LRRC20: variants seen among roughly 807,000 people sequenced by gnomAD.
LRRC20 encodes the protein leucine rich repeat containing 20.
Under a neutral mutation model 14.4 loss-of-function variants are expected in LRRC20, and 11 were observed. The observed-to-expected ratio is 0.77, with a 90% confidence interval of 0.48 to 1.27. The LOEUF (loss-of-function observed/expected upper bound fraction) is 1.27. Ranked by LOEUF, LRRC20 falls within the 50% of genes most tolerant of loss-of-function variation. LRRC20 has a pLI of 0.00. For missense variants in LRRC20, 219 were observed against 251.2 expected (o/e 0.87, Z 0.87); for synonymous variants, 121 against 107.3 (o/e 1.13, Z -0.79).
At chr10:70,321,044 CCTT>C (rs1432359183) in intron 4 of LRRC20, among the ~76,000 whole-genome samples, 1 of 152,172 alleles carries the variant, frequency 6.6e-6, no homozygotes, top group African/African-American at 2.4e-5. Context: ...GGGTGGCTGT[CCTT>C]CTGATTCACT....
intron 2 of LRRC20, among the ~76,000 whole-genome samples, chr10:70,372,608 A>ATTTTT: frequency 6.6e-6 from 1 of 151,666 alleles, no homozygotes; most frequent in East Asian, 2.0e-4. Context: ...CGCCCGGCTA[A>ATTTTT]TTTTTTTGTA....
At chr10:70,334,998 C>T (rs762978889) in intron 3 of LRRC20, among the ~76,000 whole-genome samples, 8 of 152,168 alleles carry the variant, frequency 5.3e-5, no homozygotes, top group Non-Finnish European at 1.0e-4. Context: ...TGCAGACAGG[C>T]TCCCCCCAGG....
chr10:70,381,014 C>G (rs1028133492), intron 1 of LRRC20, among the ~76,000 whole-genome samples: 6 of 152,190 alleles, frequency 3.9e-5, no homozygotes, highest in African/African-American at 1.4e-4. Flanking sequence ...GAGAGAGAGA[C>G]AGGGAGCCAA....
At chr10:70,360,333 G>A (rs972033064) in intron 2 of LRRC20, among the ~76,000 whole-genome samples, 41 of 152,082 alleles carry the variant, frequency 2.7e-4, no homozygotes, top group Non-Finnish European at 4.3e-4. Context: ...GATTACAGGT[G>A]TGAGTCACCA....
At chr10:70,378,618 C>T (rs1482534434) in intron 1 of LRRC20, among the ~76,000 whole-genome samples, 3 of 151,976 alleles carry the variant, frequency 2.0e-5, no homozygotes, top group African/African-American at 7.3e-5. Flanking sequence ...AAAACTCCAT[C>T]TCTACTAAAA....
rs957694129 is a variant in LRRC20 at position 70,376,471 on chromosome 10, C to T, written c.63G>A (p.Glu21=). ...ACTCACCCAGAGTGTCAGAGCCGCT[C>T]TCCACCGTCTCGTTGACCTTCCTTG... is the stretch of plus-strand genomic sequence containing the variant. ...RVARKVNETV[E]SGSDTLDLAE... is the part of the protein sequence containing the mutation. The change falls in exon 2 of 5, where the codon GAG becomes GAA. Residue 21 remains glutamate, a synonymous_variant. Transcript: ENST00000446961. 28 of 1,614,112 alleles carry T rather than the reference C, an allele frequency of 1.7e-5. 1 individual carries two copies. In the Middle Eastern group the frequency reaches 4.3e-3, roughly 247 times the overall value.
chr10:70,367,479 G>A (rs1364783077), intron 2 of LRRC20, among the ~76,000 whole-genome samples: 6 of 152,264 alleles, frequency 3.9e-5, no homozygotes, highest in East Asian at 1.9e-4. Flanking sequence ...AAGGATAAAC[G>A]GATCATGGAA....
chr10:70,360,591 C>T (rs1415636471), intron 2 of LRRC20, among the ~76,000 whole-genome samples: 1 of 152,162 alleles, frequency 6.6e-6, no homozygotes, highest in African/African-American at 2.4e-5. Flanking sequence ...CTCACGCCAC[C>T]CTGCCCGGTT....
chr10:70,376,143 C>T (rs1163624290), intron 2 of LRRC20, among the ~76,000 whole-genome samples: 1 of 152,170 alleles, frequency 6.6e-6, no homozygotes, highest in Non-Finnish European at 1.5e-5. Context: ...GCCTGGCACA[C>T]AGATGCTACT....
rs558298505 is a variant in LRRC20 at position 70,335,191 on chromosome 10, T to C, written c.232+5362A>G. Among the ~76,000 whole-genome samples the C allele has an allele frequency of 1.2e-3, 184 of 152,306 alleles. No individual in the cohort carries two copies. In the South Asian group the frequency reaches 0.014, roughly 12 times the overall value. On this transcript the variant is annotated intron_variant, in intron 3 of 4. Coordinates refer to ENST00000446961, the MANE Select transcript of LRRC20 (RefSeq NM_001278212.2). Reference sequence around the variant, plus strand: ...AAAGAGGCAAGAAGCCTGGTGCTGCTGAAAAATCAGAGAAAATGAGCCACG... The same window carrying C: ...AAAGAGGCAAGAAGCCTGGTGCTGCCGAAAAATCAGAGAAAATGAGCCACG...
chr10:70,381,747 A>C (rs1844715142), intron 1 of LRRC20: 1 of 152,192 alleles, frequency 6.6e-6, no homozygotes, highest in South Asian at 2.1e-4. Context: ...AATAGTCCCA[A>C]ACCCCCCTTC....
chr10:70,329,617 A>G (rs1332509388), intron 3 of LRRC20, among the ~76,000 whole-genome samples: 4 of 145,318 alleles, frequency 2.8e-5, no homozygotes, highest in Non-Finnish European at 5.9e-5. Flanking sequence ...ACTGGAGTGC[A>G]GTGGCACGAT....
At chr10:70,367,100 G>A (rs1325292277) in intron 2 of LRRC20, among the ~76,000 whole-genome samples, 1 of 152,048 alleles carries the variant, frequency 6.6e-6, no homozygotes, top group Non-Finnish European at 1.5e-5. Flanking sequence ...TGAGGCAGGA[G>A]GAATGCTTGA....
At chr10:70,330,525 C>T (rs1287645923) in intron 3 of LRRC20, among the ~76,000 whole-genome samples, 9 of 152,170 alleles carry the variant, frequency 5.9e-5, no homozygotes, top group Admixed American at 5.9e-4. Context: ...TGTCAGTCAC[C>T]CACTTGTCCA....
chr10:70,357,011 T>C (rs1843552597), intron 2 of LRRC20, among the ~76,000 whole-genome samples: 1 of 152,224 alleles, frequency 6.6e-6, no homozygotes, highest in Non-Finnish European at 1.5e-5. Context: ...CAATGGAATA[T>C]TATTCAGCCA....
At chr10:70,314,668 G>C (rs1841791540) in intron 4 of LRRC20, among the ~76,000 whole-genome samples, 1 of 151,990 alleles carries the variant, frequency 6.6e-6, no homozygotes, top group Non-Finnish European at 1.5e-5. Context: ...TGAATGCACA[G>C]ATAGTTTGAG....
chr10:70,367,958 C>CTATGTTATGTTAGTTATGTTATGTTATGT (rs1844079121), intron 2 of LRRC20, among the ~76,000 whole-genome samples: 1 of 21,896 alleles, frequency 4.6e-5, no homozygotes, highest in African/African-American at 2.0e-4. Context: ...ATAAATCTGC[C>CTATGTTATGTTAGTTATGTTATGTTATGT]TATGTTATGT....
intron 2 of LRRC20, among the ~76,000 whole-genome samples, chr10:70,361,075 G>T (rs1407335483): frequency 3.3e-5 from 5 of 151,532 alleles, no homozygotes; most frequent in Non-Finnish European, 7.4e-5. Context: ...GAGAGAGAGA[G>T]AGAAAGAGAG....
chr10:70,322,884 AC>A (rs1297488470), intron 4 of LRRC20, among the ~76,000 whole-genome samples: 1 of 151,742 alleles, frequency 6.6e-6, no homozygotes, highest in Non-Finnish European at 1.5e-5. Context: ...TGCCTGTGGC[AC>A]CGCTGACAGA....
Sources: gnomAD v4.1 joint callset for allele counts (sites outside exome capture counted in the v4.1 genomes callset) on GRCh38, gnomAD v4.1.1 for gene constraint, MANE v1.5 for transcripts, NCBI Gene and HGNC (gene_info 2026-07-23, HGNC 2026-07-21) for gene names.